Variants in PDE1C observed in about 807,000 individuals in gnomAD.
The protein encoded by PDE1C is dual specificity calcium/calmodulin-dependent 3',5'-cyclic nucleotide phosphodiesterase 1C.
In PDE1C, 62 loss-of-function variants were observed where a neutral mutation model predicts 93.1. That is an observed-to-expected ratio of 0.67 (90% CI 0.54 to 0.82). The LOEUF (loss-of-function observed/expected upper bound fraction) is 0.82, where lower values mean the gene tolerates loss of function less well. Ranked by LOEUF, PDE1C falls within the 40% of genes least tolerant of loss-of-function variation. The probability of loss-of-function intolerance (pLI) is 0.00; values close to 1 mark genes in which losing one functional copy is unlikely to be tolerated. For synonymous variants in PDE1C, 325 were observed against 310.1 expected (o/e 1.05, Z -0.50); for missense variants, 742 against 884.6 (o/e 0.84, Z 2.04).
At chr7:31,850,913 A>G (rs987272466) in intron 7 of PDE1C, 172 bp from the exon 8 acceptor site, 64 of 588,346 alleles carry the variant, frequency 1.1e-4, no homozygotes, top group Non-Finnish European at 3.4e-5. Flanking sequence ...AGACTTGGAG[A>G]CTTGTGATTT....
chr7:32,061,600 G>A (rs1794812680), intron 1 of PDE1C, among the ~76,000 whole-genome samples: 1 of 152,234 alleles, frequency 6.6e-6, no homozygotes, highest in Admixed American at 6.5e-5. Context: ...CATGGCATGT[G>A]CCCTCTACCT....
intron 17 of PDE1C, among the ~76,000 whole-genome samples, chr7:31,766,347 G>T (rs887746349): frequency 6.6e-5 from 10 of 150,460 alleles, no homozygotes; most frequent in Non-Finnish European, 1.2e-4. Context: ...TGGCGCCACT[G>T]CACTCCAGCC....
At chr7:31,895,386 G>A (rs1383611324) in intron 2 of PDE1C, among the ~76,000 whole-genome samples, 7 of 152,116 alleles carry the variant, frequency 4.6e-5, no homozygotes, top group Non-Finnish European at 1.0e-4. Context: ...AAGCAGACAA[G>A]AGATATCACC....
chr7:31,952,310 C>T (rs1424940603), intron 2 of PDE1C, among the ~76,000 whole-genome samples: 3 of 151,812 alleles, frequency 2.0e-5, no homozygotes, highest in Admixed American at 6.6e-5. Context: ...CATGTAGTGG[C>T]GTAATCTCGA....
At chr7:32,304,349 AAG>A (rs1308166322) in intron 1 of PDE1C, among the ~76,000 whole-genome samples, 3 of 152,200 alleles carry the variant, frequency 2.0e-5, no homozygotes, top group African/African-American at 7.2e-5. Context: ...GGCACAGAGT[AAG>A]CCTTCGCTAA....
chr7:31,915,636 C>T (rs1241576168), intron 2 of PDE1C, among the ~76,000 whole-genome samples: 2 of 151,992 alleles, frequency 1.3e-5, no homozygotes, highest in Non-Finnish European at 2.9e-5. Flanking sequence ...TTTTCTAACC[C>T]GTGAAAGGCA....
intron 2 of PDE1C, among the ~76,000 whole-genome samples, chr7:31,965,649 A>G (rs1450809391): frequency 2.0e-5 from 3 of 152,212 alleles, no homozygotes; most frequent in African/African-American, 7.2e-5. Context: ...TCCAAGACAC[A>G]TAATTGTCAG....
intron 17 of PDE1C, among the ~76,000 whole-genome samples, chr7:31,774,567 C>G (rs574660976): frequency 2.6e-5 from 4 of 152,192 alleles, no homozygotes; most frequent in African/African-American, 9.6e-5. Flanking sequence ...ACTCAGAAGA[C>G]TTATGTACAA....
At chr7:32,107,347 G>C (rs1798381542) in intron 3 of PDE1C, among the ~76,000 whole-genome samples, 1 of 151,150 alleles carries the variant, frequency 6.6e-6, no homozygotes, top group African/African-American at 2.4e-5. Flanking sequence ...AGGAAAGAAG[G>C]AAGGGAGAGA....
At chr7:31,904,637 G>C (rs1282918944) in intron 2 of PDE1C, among the ~76,000 whole-genome samples, 1 of 151,332 alleles carries the variant, frequency 6.6e-6, no homozygotes, top group African/African-American at 2.4e-5. Context: ...TTTACAGGTG[G>C]TCCATCATTT....
At chr7:31,733,161 T>C in the PDE1C span, among the ~76,000 whole-genome samples, 3 of 152,192 alleles carry the variant, frequency 2.0e-5, no homozygotes, top group African/African-American at 7.2e-5. Context: ...ACCTCTCAAA[T>C]GGATAGAGAC....
intron 6 of PDE1C, among the ~76,000 whole-genome samples, chr7:31,868,818 AC>A (rs1795602070): frequency 6.6e-6 from 1 of 152,028 alleles, no homozygotes; most frequent in South Asian, 2.1e-4. Flanking sequence ...TTATAAGGAA[AC>A]CTTCATCAGA....
chr7:31,814,018 TCG>T (rs1491513736), intron 15 of PDE1C, among the ~76,000 whole-genome samples: 2 of 21,674 alleles, frequency 9.2e-5, no homozygotes, highest in East Asian at 2.0e-3. Context: ...TAGTATTCCA[TCG>T]TGTGTGTGTG....
At chr7:31,886,650 C>G (rs1018844003) in intron 2 of PDE1C, among the ~76,000 whole-genome samples, 2 of 152,034 alleles carry the variant, frequency 1.3e-5, no homozygotes, top group Admixed American at 6.5e-5. Flanking sequence ...AAAGCCCTCC[C>G]CAGTGGAGTT....
At position 31,848,551 on chromosome 7, in the gene PDE1C, A is replaced by AGTG. The variant is rs1792916443; in HGVS notation, c.852-458_852-456dup. 8.5e-5 allele frequency among the ~76,000 whole-genome samples: 13 copies of AGTG among 152,262 alleles called. No homozygotes were observed. In the South Asian group the frequency reaches 2.7e-3, roughly 32 times the overall value. The stretch of plus-strand genomic sequence containing the variant: ...GTACTATCTGTAAGCTGCCTCTGAT[A>AGTG]GTGGCTTGATCTCAACATTTTTCCA... On this transcript the variant is annotated intron_variant, in intron 8 of 17. Transcript: ENST00000396191.
At chr7:32,390,550 A>AG (rs1429444033) in intron 1 of PDE1C, among the ~76,000 whole-genome samples, 1 of 151,650 alleles carries the variant, frequency 6.6e-6, no homozygotes, top group Non-Finnish European at 1.5e-5. Context: ...TGAAAAAAAA[A>AG]AAAAAAAAAA....
At chr7:32,233,282 A>G (rs1440469518) in intron 1 of PDE1C, among the ~76,000 whole-genome samples, 2 of 152,218 alleles carry the variant, frequency 1.3e-5, no homozygotes, top group Non-Finnish European at 2.9e-5. Context: ...GAAACAACAA[A>G]TAGAGTGGAC....
intron 3 of PDE1C, among the ~76,000 whole-genome samples, chr7:32,163,046 A>AT (rs959734719): frequency 1.3e-5 from 2 of 152,160 alleles, no homozygotes; most frequent in African/African-American, 4.8e-5. Flanking sequence ...TCATTCTTTC[A>AT]TTTTTCCCCT....
At chr7:32,128,561 T>C (rs1364843029) in intron 3 of PDE1C, among the ~76,000 whole-genome samples, 1 of 151,994 alleles carries the variant, frequency 6.6e-6, no homozygotes, top group Non-Finnish European at 1.5e-5. Flanking sequence ...ACTTCATTAT[T>C]CAGTTATAAA....
Sources: allele counts gnomAD v4.1 joint callset (sites outside exome capture counted in the v4.1 genomes callset), GRCh38; gene constraint gnomAD v4.1.1; transcripts MANE v1.5; gene names NCBI Gene and HGNC (gene_info 2026-07-23, HGNC 2026-07-21).